UNC45A: variants seen among roughly 807,000 people sequenced by gnomAD.
UNC45A encodes unc-45 myosin chaperone A, also known as protein unc-45 homolog A.
In UNC45A, 78 loss-of-function variants were observed where a neutral mutation model predicts 103.2. The ratio of observed to expected loss-of-function variants is 0.76; its 90% CI spans 0.63 to 0.91. The LOEUF (loss-of-function observed/expected upper bound fraction) is 0.91. Ranked by LOEUF, UNC45A falls within the 40% of genes least tolerant of loss-of-function variation. The pLI is 0.00. For missense variants in UNC45A, 1,193 were observed against 1,224.8 expected (o/e 0.97, Z 0.39); for synonymous variants, 495 against 504.6 (o/e 0.98, Z 0.25).
rs5814443 is a variant in UNC45A, at chr15:90,948,875, CTTTTTT to C, written c.1878+97_1878+102del. On this transcript the variant is annotated intron_variant, in intron 13 of 19. Transcript: ENST00000418476. Reference sequence around the variant, plus strand: ...GGGCATCCACAGCAGAACAACCTCCCTTTTTTTTTTTTTTTTTTTTTGAGATGGAGT... The same window carrying C: ...GGGCATCCACAGCAGAACAACCTCCCTTTTTTTTTTTTTTTGAGATGGAGT... 5.4e-4 allele frequency: 530 copies of C among 984,232 alleles called. 1 individual carries two copies. The highest frequency in any genetic ancestry group is 1.3e-3 in the South Asian group (66 of 49,084). The allele number at this position is 984,232 out of a possible 1,614,324, so 61.0% of individuals were successfully genotyped here.
intron 5 of UNC45A, 121 bp from the exon 6 acceptor site, chr15:90,940,185 C>T: frequency 1.8e-6 from 2 of 1,105,578 alleles, no homozygotes; most frequent in Non-Finnish European, 2.6e-6. Context: ...TATTTTTTGG[C>T]CGTGGTCACT....
rs1427982484 is a variant in UNC45A at position 90,948,651 on chromosome 15, C to T, written c.1738-3C>T. ...CCATGTGAATTCCTCTGTGTCCTGGCAGTTGGAGGAGAGGTCAGTGCTCTT... is the reference window on the plus strand; with the variant it reads ...CCATGTGAATTCCTCTGTGTCCTGGTAGTTGGAGGAGAGGTCAGTGCTCTT... On this transcript the variant is annotated splice_polypyrimidine_tract_variant and splice_region_variant and intron_variant, in intron 12 of 19. Transcript: ENST00000418476. The T allele has an allele frequency of 6.2e-7, 1 of 1,613,218 alleles. No individual in the cohort carries two copies. The highest frequency in any genetic ancestry group is 1.3e-5 in the African/African-American group (1 of 74,898).
Position 90,935,597 on chromosome 15 carries a change from A to T in UNC45A, c.105A>T (p.Gly35=). 6.2e-7 allele frequency: 1 copy of T among 1,613,180 alleles called. No homozygotes were observed. The highest frequency in any genetic ancestry group is 8.5e-7 in the Non-Finnish European group (1 of 1,179,640). ...AGGGCAATGAGCTGTTCAAATGTGGAGACTACGGGGGCGCCCTGGCGGCCT... is the reference window on the plus strand; with the variant it reads ...AGGGCAATGAGCTGTTCAAATGTGGTGACTACGGGGGCGCCCTGGCGGCCT... The part of the protein sequence containing the change: ...RKEGNELFKC[G]DYGGALAAYT... The change falls in exon 2 of 20, where the codon GGA becomes GGT. Residue 35 remains glycine, a synonymous_variant. Transcript: ENST00000418476.
At chr15:90,943,426 CAAAAA>C (rs71154147) in intron 8 of UNC45A, among the ~76,000 whole-genome samples, 4 of 74,560 alleles carry the variant, frequency 5.4e-5, no homozygotes, top group South Asian at 4.1e-4. Flanking sequence ...GAGACTGTCT[CAAAAA>C]AAAAAAAAAA....
At chr15:90,944,277 T>C (rs186488968) in intron 8 of UNC45A, among the ~76,000 whole-genome samples, 34 of 151,928 alleles carry the variant, frequency 2.2e-4, no homozygotes, top group African/African-American at 8.0e-4. Context: ...ATCCCAGCTA[T>C]TCTGGAGGCT....
chr15:90,945,929 G>T (rs1183169169), intron 9 of UNC45A, among the ~76,000 whole-genome samples: 2 of 124,816 alleles, frequency 1.6e-5, no homozygotes, highest in Admixed American at 8.4e-5. Flanking sequence ...CATGAGGACC[G>T]CGTCCAGGCG....
chr15:90,939,691 A>G (rs2036190260), intron 4 of UNC45A, 40 bp from the exon 5 acceptor site: 1 of 1,608,762 alleles, frequency 6.2e-7, no homozygotes, highest in Admixed American at 1.7e-5. Context: ...GTCTCTGGCC[A>G]AGAGCCGTGA....
chr15:90,935,541 C>T lies in UNC45A; in HGVS notation c.52-3C>T. 6.3e-7 allele frequency: 1 copy of T among 1,597,356 alleles called. No individual in the cohort carries two copies. The highest frequency in any genetic ancestry group is 8.5e-7 in the Non-Finnish European group (1 of 1,172,098). ...GACGTTTCCGCCCCCTTTCTCTCTA[C>T]AGGCCAGCTCAGTGGAGCAGCTGCG... On this transcript the variant is annotated splice_polypyrimidine_tract_variant and splice_region_variant and intron_variant, in intron 1 of 19. Transcript: ENST00000418476.
At chr15:90,949,170 C>A in intron 13 of UNC45A, 146 bp from the exon 14 acceptor site, 8 of 1,208,148 alleles carry the variant, frequency 6.6e-6, no homozygotes, top group Non-Finnish European at 8.0e-6. Flanking sequence ...GCCACCGTGC[C>A]CAGCCAACAG....
chr15:90,935,743 G>A (rs748435423), intron 2 of UNC45A, 38 bp downstream of exon 2: 4 of 1,528,312 alleles, frequency 2.6e-6, no homozygotes, highest in Non-Finnish European at 3.5e-6. Flanking sequence ...GCCCGCCCGG[G>A]CCCCGGTTCG....
intron 1 of UNC45A, 41 bp from the exon 2 acceptor site, chr15:90,935,503 C>T: frequency 6.3e-7 from 1 of 1,576,834 alleles, no homozygotes; most frequent in Non-Finnish European, 8.6e-7. Flanking sequence ...GGGCTCTGCC[C>T]CGAACCCCCT....
chr15:90,940,644 G>A, intron 6 of UNC45A, 171 bp downstream of exon 6: 1 of 762,266 alleles, frequency 1.3e-6, no homozygotes, highest in Non-Finnish European at 1.9e-6. Context: ...AGGTTATGGT[G>A]CCTCACACCT....
At chr15:90,941,537 G>C (rs1446229642) in intron 6 of UNC45A, among the ~76,000 whole-genome samples, 2 of 152,196 alleles carry the variant, frequency 1.3e-5, no homozygotes, top group Non-Finnish European at 2.9e-5. Context: ...TGTGCATTCT[G>C]TTCCCTCCTG....
chr15:90,943,296 G>T (rs1002576474), intron 8 of UNC45A, among the ~76,000 whole-genome samples: 3 of 151,926 alleles, frequency 2.0e-5, no homozygotes, highest in Non-Finnish European at 4.4e-5. Context: ...GGGCATGGTG[G>T]TGTGCATCGG....
At chr15:90,948,049 G>A in intron 11 of UNC45A, 93 bp from the exon 12 acceptor site, 3 of 1,569,186 alleles carry the variant, frequency 1.9e-6, no homozygotes, top group Non-Finnish European at 2.6e-6. Context: ...ACATTGAGGG[G>A]ATGCCCAAAC....
chr15:90,930,899 GAGA>G (rs1953679655), upstream of UNC45A: 1 of 229,076 alleles, frequency 4.4e-6, no homozygotes, highest in African/African-American at 2.3e-5. Context: ...TCGGAGGCTG[GAGA>G]AGGAGCAGCA....
intron 6 of UNC45A, 67 bp from the exon 7 acceptor site, chr15:90,942,370 G>C: frequency 6.5e-7 from 1 of 1,536,414 alleles, no homozygotes; most frequent in Non-Finnish European, 8.8e-7. Context: ...CTAACTCACA[G>C]TTAGGGATCT....
At chr15:90,934,609 T>C, upstream of UNC45A, 1 of 398,766 alleles carries the variant, frequency 2.5e-6, no homozygotes. Context: ...TATCTGGGGC[T>C]CTGTTCCTAA....
At chr15:90,945,549 C>T (rs554793262) in intron 9 of UNC45A, among the ~76,000 whole-genome samples, 3 of 151,928 alleles carry the variant, frequency 2.0e-5, no homozygotes, top group South Asian at 4.2e-4. Context: ...TTAGTAGAGA[C>T]GGGGTTTCTC....
Sources: allele counts gnomAD v4.1 joint callset (sites outside exome capture counted in the v4.1 genomes callset), GRCh38; gene constraint gnomAD v4.1.1; transcripts MANE v1.5; gene names NCBI Gene and HGNC (gene_info 2026-07-23, HGNC 2026-07-21).